The following ADCK2 variants were observed in gnomAD, a reference collection of about 807,000 sequenced individuals.
ADCK2 encodes uncharacterized aarF domain-containing protein kinase 2.
In ADCK2, 37 loss-of-function variants were observed where a neutral mutation model predicts 52.3. The ratio of observed to expected loss-of-function variants is 0.71; its 90% confidence interval spans 0.54 to 0.93. ADCK2 has a LOEUF of 0.93. Among genes scored for constraint, ADCK2 ranks in the 40% least tolerant of loss-of-function variants. ADCK2 has a pLI of 0.00. For synonymous variants in ADCK2, 321 were observed against 349.2 expected (o/e 0.92, Z 0.90); for missense variants, 695 against 798.7 (o/e 0.87, Z 1.56).
intron 6 of ADCK2, among the ~76,000 whole-genome samples, chr7:140,690,173 T>C (rs1794680607): frequency 6.6e-6 from 1 of 152,178 alleles, no homozygotes; most frequent in Non-Finnish European, 1.5e-5. Context: ...ACTGGCACGC[T>C]GGCCCTGCTG....
At chr7:140,688,385 G>A (rs2907951) in intron 5 of ADCK2, among the ~76,000 whole-genome samples, 7,923 of 152,178 alleles carry the variant, frequency 0.052, 247 homozygotes, top group Non-Finnish European at 0.07. Context: ...TCCTTAGCCC[G>A]GTCATTCTTG....
At position 140,673,221 on chromosome 7, in the gene ADCK2, G is replaced by A; in HGVS notation, c.-110G>A. 1.0e-6 allele frequency: 1 copy of A among 979,202 alleles called. No individual in the cohort carries two copies. Among genetic ancestry groups the A allele is most frequent in the Admixed American group, 3.8e-5 (1 of 25,994 alleles). The allele number at this position is 979,202 out of a possible 1,614,324, so 60.7% of individuals were successfully genotyped here. On this transcript the variant is annotated 5_prime_UTR_variant, in exon 1 of 8. Transcript: ENST00000072869. The surrounding 1 kb of genome is among the most constrained non-coding windows in gnomAD (Gnocchi z 6.4). ...GCGGGGCGCGGATCCGGCCCAGATG[G>A]GCAGCTCCGTCCGCGGGGTCAGGGC...
intron 4 of ADCK2, among the ~76,000 whole-genome samples, chr7:140,684,373 C>A (rs922322775): frequency 6.6e-6 from 1 of 152,118 alleles, no homozygotes; most frequent in Admixed American, 6.5e-5. Flanking sequence ...GTTATGGCTG[C>A]CTTCGTTGGC....
Position 140,689,634 on chromosome 7 carries a change from G to A in ADCK2, c.1595G>A (p.Arg532Gln), listed in dbSNP as rs202086095. ...GCTGAGCTGATCCTGCATCATGCCC[G>A]GGCCAGCGAGTGCAGGGACGTGGAG... ...RVAELILHHA[R>Q]ASECRDVEGF... is the part of the protein sequence containing the mutation. The change falls in exon 6 of 8, where the codon CGG becomes CAG. Residue 532 changes from arginine to glutamine, a missense_variant. Transcript: ENST00000072869. 735 of 1,612,284 alleles carry A rather than the reference G, an allele frequency of 4.6e-4. 1 individual carries two copies. Among genetic ancestry groups the A allele is most frequent in the Non-Finnish European group, 4.7e-5 (56 of 1,179,002 alleles).
chr7:140,684,704 C>CA (rs146218463), intron 4 of ADCK2, among the ~76,000 whole-genome samples: 1,766 of 152,288 alleles, frequency 0.012, 44 homozygotes, highest in African/African-American at 0.04. Flanking sequence ...TGACAGCACG[C>CA]ACGCACATGC....
At chr7:140,694,119 G>A (rs558357969) in intron 7 of ADCK2, among the ~76,000 whole-genome samples, 8 of 152,186 alleles carry the variant, frequency 5.3e-5, no homozygotes, top group African/African-American at 1.2e-4. Flanking sequence ...CCAGGAGTTC[G>A]AGATCAGCCT....
intron 4 of ADCK2, among the ~76,000 whole-genome samples, chr7:140,683,396 AC>A (rs1237757030): frequency 6.6e-6 from 1 of 152,170 alleles, no homozygotes; most frequent in Non-Finnish European, 1.5e-5. Context: ...GGAGGGTGAG[AC>A]GAGAGGCAGG....
In ADCK2 at chr7:140,673,511, G is replaced by A. The variant is rs772472209; in HGVS notation, c.181G>A (p.Ala61Thr). ...VSLCGDVGEG[A>T]PDVLSRRRVR... is the part of the protein sequence containing the mutation. ...CCTGTGCGGGGACGTGGGTGAGGGG[G>A]CCCCTGACGTTCTGAGTCGGCGAAG... The change falls in exon 1 of 8, where the codon GCC (alanine) becomes ACC (threonine). Residue 61 changes from alanine (A) to threonine (T), a missense_variant. Physicochemically the swap from Ala to Thr is moderately conservative, Grantham distance 58. Coordinates refer to ENST00000072869, the MANE Select transcript of ADCK2 (RefSeq NM_052853.4). This position sits in a 1 kb window ranked among gnomAD's most constrained non-coding sequence, Gnocchi z 6.4. 1.9e-6 allele frequency: 3 copies of A among 1,601,156 alleles called. No homozygotes were observed. Among genetic ancestry groups the A allele is most frequent in the African/African-American group, 2.7e-5 (2 of 74,780 alleles).
intron 6 of ADCK2, 121 bp from the exon 7 acceptor site, chr7:140,690,639 G>T: frequency 2.5e-6 from 2 of 814,568 alleles, no homozygotes; most frequent in Non-Finnish European, 4.0e-6. Flanking sequence ...GCTGACTGGT[G>T]TATGTGTGCC....
intron 4 of ADCK2, among the ~76,000 whole-genome samples, chr7:140,683,085 G>A (rs1003456747): frequency 6.0e-5 from 9 of 150,142 alleles, no homozygotes; most frequent in Non-Finnish European, 1.0e-4. Flanking sequence ...GGTGGATCAC[G>A]AGGTCAGGAG....
chr7:140,683,864 G>A (rs1342209167), intron 4 of ADCK2, among the ~76,000 whole-genome samples: 1 of 152,216 alleles, frequency 6.6e-6, no homozygotes, highest in Non-Finnish European at 1.5e-5. Context: ...ACCCTGGGCT[G>A]GAGGGATGGA....
chr7:140,674,211 A>G lies in ADCK2; in HGVS notation c.881A>G (p.Gln294Arg). 1 of 1,613,974 alleles carries G rather than the reference A, an allele frequency of 6.2e-7. No individual in the cohort carries two copies. Among genetic ancestry groups the G allele is most frequent in the Non-Finnish European group, 8.5e-7 (1 of 1,179,990 alleles). ...VGSNAGVSRA[Q>R]VPGHQPEATN... ...TCAAATGCAGGGGTGTCTCGGGCTCAGGTCCCTGGCCACCAACCTGAGGCC... is the reference window on the plus strand; with the variant it reads ...TCAAATGCAGGGGTGTCTCGGGCTCGGGTCCCTGGCCACCAACCTGAGGCC... The change falls in exon 1 of 8, where the codon CAG becomes CGG. Residue 294 changes from glutamine to arginine, a missense_variant. Physicochemically the swap from Gln to Arg is conservative, Grantham distance 43 (BLOSUM62 1). Coordinates refer to ENST00000072869, the MANE Select transcript of ADCK2 (RefSeq NM_052853.4). This position sits in a 1 kb window ranked among gnomAD's most constrained non-coding sequence, Gnocchi z 4.6.
intron 4 of ADCK2, among the ~76,000 whole-genome samples, chr7:140,682,918 C>A (rs1189030031): frequency 6.8e-6 from 1 of 147,988 alleles, no homozygotes; most frequent in Non-Finnish European, 1.5e-5. Flanking sequence ...GTGGGATCAC[C>A]TGAGCCCAGG....
In ADCK2 at chr7:140,693,526, C is replaced by A. The variant is rs1794742238; in HGVS notation, c.1741-1137C>A. Reference sequence around the variant, plus strand: ...GTTTACATCTGGCTCTATTCCTCCTCACTCAGTGGCCTTGAGCAAGTCATT... The same window carrying A: ...GTTTACATCTGGCTCTATTCCTCCTAACTCAGTGGCCTTGAGCAAGTCATT... On this transcript the variant is annotated intron_variant, in intron 7 of 7. Transcript: ENST00000072869. The surrounding 1 kb of genome is among the most constrained non-coding windows in gnomAD (Gnocchi z 4.0). Among the ~76,000 whole-genome samples the A allele has an allele frequency of 1.3e-5, 2 of 152,252 alleles. No homozygotes were observed. The highest frequency in any genetic ancestry group is 2.4e-5 in the African/African-American group (1 of 41,468).
In ADCK2 at chr7:140,679,260, G is replaced by A. The variant is rs1013680811; in HGVS notation, c.1186G>A (p.Glu396Lys). 3 of 1,613,918 alleles carry A rather than the reference G, an allele frequency of 1.9e-6. No homozygotes were observed. The highest frequency in any genetic ancestry group is 2.5e-6 in the Non-Finnish European group (3 of 1,179,990). ...PTPLRPFVTREVLVETYEESV... is the reference protein window; with the variant it reads ...PTPLRPFVTRKVLVETYEESV... ...CCCTCTGCGCCCCTTTGTCACCAGAGAAGTCTTGGTGGAAACGTATGAAGT... is the reference window on the plus strand; with the variant it reads ...CCCTCTGCGCCCCTTTGTCACCAGAAAAGTCTTGGTGGAAACGTATGAAGT... The change falls in exon 3 of 8, where the codon GAA (glutamate) becomes AAA (lysine). Residue 396 changes from glutamate (E) to lysine (K), a missense_variant. By Grantham distance (56) the Glu-to-Lys change is moderately conservative. Transcript: ENST00000072869.
intron 7 of ADCK2, among the ~76,000 whole-genome samples, chr7:140,692,726 C>A (rs1794729756): frequency 1.3e-5 from 2 of 152,228 alleles, no homozygotes; most frequent in Admixed American, 1.3e-4. Context: ...GTGAATAATG[C>A]TGCAGTGAAC....
At chr7:140,679,092 T>C (rs984842034) in intron 2 of ADCK2, 63 bp from the exon 3 acceptor site, 62 of 1,583,676 alleles carry the variant, frequency 3.9e-5, no homozygotes, top group Admixed American at 1.0e-4. Flanking sequence ...CTCCTTGGCA[T>C]TGCAGATGTC....
rs1794459788 is a variant in ADCK2, at chr7:140,678,458, A to G, written c.1081-697A>G. Among the ~76,000 whole-genome samples, 1 of 152,114 alleles carries G rather than the reference A, an allele frequency of 6.6e-6. No homozygotes were observed. On this transcript the variant is annotated intron_variant, in intron 2 of 7. Transcript: ENST00000072869. The surrounding 1 kb of genome is among the most constrained non-coding windows in gnomAD (Gnocchi z 4.9). ...GCCGGCTGAGGGCTTGGTGGCTGTC[A>G]AGGGGACACACACGCTCACTTCGGT...
intron 4 of ADCK2, 58 bp from the exon 5 acceptor site, chr7:140,686,932 T>C: frequency 6.3e-7 from 1 of 1,585,902 alleles, no homozygotes; most frequent in Non-Finnish European, 8.6e-7. Context: ...TTTCTTTCTC[T>C]GTAGGTTGGT....
Sources: gnomAD v4.1 joint callset for allele counts (sites outside exome capture counted in the v4.1 genomes callset) on GRCh38, gnomAD v4.1.1 for gene constraint, Gnocchi (gnomAD v3.1) non-coding constraint, MANE v1.5 for transcripts, NCBI Gene and HGNC (gene_info 2026-07-23, HGNC 2026-07-21) for gene names.